TTC21B: variants seen among roughly 807,000 people sequenced by gnomAD.
The protein encoded by TTC21B is tetratricopeptide repeat protein 21B.
Under a neutral mutation model 175.1 loss-of-function variants are expected in TTC21B, and 127 were observed. The ratio of observed to expected loss-of-function variants is 0.73; its 90% CI spans 0.63 to 0.84. The LOEUF (loss-of-function observed/expected upper bound fraction) is 0.84, where lower values mean the gene tolerates loss of function less well. TTC21B is among the 40% of genes least tolerant of loss of function. The probability of loss-of-function intolerance (pLI) is 0.00; values close to 1 mark genes in which losing one functional copy is unlikely to be tolerated. For synonymous variants in TTC21B, 524 were observed against 524.5 expected, an observed-to-expected ratio of 1.00 and a Z score of 0.01; for missense variants, 1,561 against 1,558.3, an observed-to-expected ratio of 1.00 and a Z score of -0.03.
chr2:165,937,513 G>A (rs1350937194), intron 6 of TTC21B, among the ~76,000 whole-genome samples: 18 of 152,008 alleles, frequency 1.2e-4, no homozygotes, highest in Admixed American at 1.2e-3. Context: ...TTGATAATTA[G>A]GCAGCCTATC....
Position 165,915,183 on chromosome 2 carries a change from G to A in TTC21B, c.2138+18C>T, listed in dbSNP as rs766368097. 7 of 1,592,586 alleles carry A rather than the reference G, an allele frequency of 4.4e-6. No homozygotes were observed. Among genetic ancestry groups the A allele is most frequent in the Non-Finnish European group, 5.2e-6 (6 of 1,161,078 alleles). ...GGCTAAATGTATCAAAATATAATGG[G>A]TTAAGACAATTACTTACCTAAAACA... On this transcript the variant is annotated intron_variant, in intron 15 of 28. Coordinates refer to ENST00000243344, the MANE Select transcript of TTC21B (RefSeq NM_024753.5).
At chr2:165,903,125 C>T (rs970030972) in intron 19 of TTC21B, among the ~76,000 whole-genome samples, 10 of 152,192 alleles carry the variant, frequency 6.6e-5, no homozygotes, top group African/African-American at 2.4e-4. Flanking sequence ...AACAGAGCCC[C>T]CAGAGGACAG....
chr2:165,904,798 TC>T (rs1341337772), intron 19 of TTC21B, among the ~76,000 whole-genome samples: 1 of 152,094 alleles, frequency 6.6e-6, no homozygotes, highest in Non-Finnish European at 1.5e-5. Flanking sequence ...ATAATGGGGG[TC>T]CTTTTTAAAA....
intron 19 of TTC21B, among the ~76,000 whole-genome samples, chr2:165,906,384 A>C (rs1685734132): frequency 6.6e-6 from 1 of 151,946 alleles, no homozygotes; most frequent in African/African-American, 2.4e-5. Flanking sequence ...AATATTAATA[A>C]GATAACCCCT....
chr2:165,887,546 GC>G, intron 25 of TTC21B, among the ~76,000 whole-genome samples: 1 of 152,114 alleles, frequency 6.6e-6, no homozygotes, highest in East Asian at 1.9e-4. Context: ...AAATAGCCAG[GC>G]ATGGTGGCAG....
intron 25 of TTC21B, among the ~76,000 whole-genome samples, chr2:165,885,323 C>G (rs1684969259): frequency 6.6e-6 from 1 of 152,038 alleles, no homozygotes; most frequent in Non-Finnish European, 1.5e-5. Flanking sequence ...AGAAATAACT[C>G]TGGAATAGAG....
At chr2:165,898,896 G>A (rs910304179) in intron 21 of TTC21B, 129 bp from the exon 22 acceptor site, 2 of 693,840 alleles carry the variant, frequency 2.9e-6, no homozygotes, top group Non-Finnish European at 5.2e-6. Flanking sequence ...TTATAAAAAG[G>A]AGGCATTTAA....
chr2:165,881,617 C>T (rs536178371), intron 26 of TTC21B, among the ~76,000 whole-genome samples: 53 of 152,044 alleles, frequency 3.5e-4, no homozygotes, highest in African/African-American at 8.2e-4. Flanking sequence ...ATGTCACTGA[C>T]GTTTTCTGGA....
rs925661398 is a variant in TTC21B, at chr2:165,915,093, G to A, written c.2138+108C>T. ...GGAATCAGGACCACATTCAGAAAAC[G>A]ATCTGTAAAGTATTTGTGAAGCAGT... On this transcript the variant is annotated intron_variant, in intron 15 of 28. Coordinates refer to ENST00000243344, the MANE Select transcript of TTC21B (RefSeq NM_024753.5). The A allele has an allele frequency of 4.4e-6, 4 of 913,396 alleles. No homozygotes were observed. In the East Asian group the frequency reaches 7.3e-5, roughly 17 times the overall value. 56.6% of individuals were successfully genotyped at this position (913,396 alleles called of 1,614,324 possible). A position where few individuals can be genotyped will look rare whatever the true frequency, so the allele number is the denominator to read the frequency against.
At chr2:165,900,933 G>A (rs1168250927) in intron 20 of TTC21B, among the ~76,000 whole-genome samples, 2 of 139,542 alleles carry the variant, frequency 1.4e-5, no homozygotes, top group African/African-American at 5.4e-5. Flanking sequence ...ACAGGGTATT[G>A]CTTTGTTACC....
At chr2:165,911,033 T>C (rs1192708272) in intron 18 of TTC21B, among the ~76,000 whole-genome samples, 1 of 152,174 alleles carries the variant, frequency 6.6e-6, no homozygotes, top group African/African-American at 2.4e-5. Context: ...TAAAAAAGAT[T>C]ACAAAAATGC....
intron 4 of TTC21B, among the ~76,000 whole-genome samples, chr2:165,944,511 A>G (rs1355719300): frequency 6.6e-6 from 1 of 152,152 alleles, no homozygotes; most frequent in Non-Finnish European, 1.5e-5. Context: ...TTCCACAAGG[A>G]AGTACTATCT....
At chr2:165,920,156 C>G (rs1686333777) in intron 12 of TTC21B, among the ~76,000 whole-genome samples, 1 of 152,124 alleles carries the variant, frequency 6.6e-6, no homozygotes, top group Admixed American at 6.6e-5. Flanking sequence ...CCGCACTGAT[C>G]TGCACTTAAG....
chr2:165,883,606 T>C (rs1011437775), intron 26 of TTC21B, among the ~76,000 whole-genome samples, 188 bp downstream of exon 26: 2 of 152,204 alleles, frequency 1.3e-5, no homozygotes, highest in African/African-American at 4.8e-5. Context: ...TTCTTTTTTT[T>C]AAACTTTAAA....
At position 165,899,869 on chromosome 2, in the gene TTC21B, T is replaced by A; in HGVS notation, c.2769A>T (p.Glu923Asp). 6.2e-7 allele frequency: 1 copy of A among 1,611,136 alleles called. No individual in the cohort carries two copies. The highest frequency in any genetic ancestry group is 8.5e-7 in the Non-Finnish European group (1 of 1,177,372). The change falls in exon 21 of 29, where the codon GAA (glutamate) becomes GAT (aspartate). Residue 923 changes from glutamate to aspartate, a missense_variant. Glu to Asp is a conservative substitution (Grantham distance 45). Transcript: ENST00000243344. ...HCETDNKIMLELARLYLAQDD... is the reference protein window; with the variant it reads ...HCETDNKIMLDLARLYLAQDD... ...CTTGTGCCAGGTATAATCGTGCCAG[T>A]TCCAACATAATCTGTAGAGCAAAGG...
intron 22 of TTC21B, among the ~76,000 whole-genome samples, chr2:165,896,320 C>T (rs1685364263): frequency 6.6e-6 from 1 of 152,076 alleles, no homozygotes. Context: ...CCCTGCTTCC[C>T]TTTCTTCCTT....
At chr2:165,930,020 A>ATTCTAT (rs1686828072) in intron 9 of TTC21B, 152 bp downstream of exon 9, 1 of 693,318 alleles carries the variant, frequency 1.4e-6, no homozygotes, top group Non-Finnish European at 2.4e-6. Flanking sequence ...TGAATTAAAA[A>ATTCTAT]TTTTAAAGAC....
intron 27 of TTC21B, among the ~76,000 whole-genome samples, chr2:165,876,869 G>T (rs1339660373): frequency 6.6e-6 from 1 of 152,176 alleles, no homozygotes; most frequent in East Asian, 1.9e-4. Flanking sequence ...CATGGATTAA[G>T]GCCAGTGGTA....
intron 14 of TTC21B, among the ~76,000 whole-genome samples, chr2:165,916,322 G>T (rs2105325543): frequency 6.6e-6 from 1 of 152,218 alleles, no homozygotes; most frequent in South Asian, 2.1e-4. Flanking sequence ...TAGAAATACA[G>T]CCTTCTTAAT....
Sources: allele counts gnomAD v4.1 joint callset (sites outside exome capture counted in the v4.1 genomes callset), GRCh38; gene constraint gnomAD v4.1.1; transcripts MANE v1.5; gene names NCBI Gene and HGNC (gene_info 2026-07-23, HGNC 2026-07-21).